AMOTL1: variants seen among roughly 807,000 people sequenced by gnomAD.
AMOTL1 encodes angiomotin like 1, also known as angiomotin-like protein 1.
A neutral mutation model predicts 102.9 loss-of-function variants in AMOTL1; 45 were observed. That is an observed-to-expected ratio of 0.44 (90% CI 0.34 to 0.56). The LOEUF (loss-of-function observed/expected upper bound fraction) is 0.56. AMOTL1 is among the 20% of genes least tolerant of loss of function. The pLI is 0.01. For missense variants in AMOTL1, 1,114 were observed against 1,225.6 expected, an observed-to-expected ratio of 0.91 and a Z score of 1.36; for synonymous variants, 481 against 484.7, an observed-to-expected ratio of 0.99 and a Z score of 0.10.
At position 94,872,431 on chromosome 11, in the gene AMOTL1, A is replaced by G. The variant is rs1953017653; in HGVS notation, c.*1636A>G. 6.6e-6 allele frequency: 1 copy of G among 152,236 alleles called. No individual in the cohort carries two copies. The highest frequency in any genetic ancestry group is 1.5e-5 in the Non-Finnish European group (1 of 68,066). 9.4% of individuals were successfully genotyped at this position (152,236 alleles called of 1,614,324 possible). ...CTCTTCCAAGTACCTTCTAAATGAAACACTCAAGAGAGTGCTACTCAGGAA... is the reference window on the plus strand; with the variant it reads ...CTCTTCCAAGTACCTTCTAAATGAAGCACTCAAGAGAGTGCTACTCAGGAA... On this transcript the variant is annotated 3_prime_UTR_variant, in exon 13 of 13. Coordinates refer to ENST00000433060, the MANE Select transcript of AMOTL1 (RefSeq NM_130847.3).
intron 10 of AMOTL1, among the ~76,000 whole-genome samples, chr11:94,865,658 A>G (rs952981483): frequency 6.6e-6 from 1 of 152,084 alleles, no homozygotes; most frequent in African/African-American, 2.4e-5. Context: ...CCCTCTAAAT[A>G]TGGTCCCCAG....
chr11:94,768,570 C>T lies in AMOTL1; in HGVS notation c.49+10C>T. On this transcript the variant is annotated intron_variant, in intron 1 of 12. Coordinates refer to ENST00000433060, the MANE Select transcript of AMOTL1 (RefSeq NM_130847.3). ...GAGCCTGCGGTGAAAGGTAACCAGC[C>T]CCCACTCGAGGTGCCGGGAGGGCGT... is the stretch of plus-strand genomic sequence containing the variant. 2 of 1,590,646 alleles carry T rather than the reference C, an allele frequency of 1.3e-6. No homozygotes were observed. Among genetic ancestry groups the T allele is most frequent in the Non-Finnish European group, 1.7e-6 (2 of 1,169,040 alleles).
At chr11:94,827,740 C>T (rs574696337) in intron 4 of AMOTL1, among the ~76,000 whole-genome samples, 76 of 152,302 alleles carry the variant, frequency 5.0e-4, no homozygotes, top group African/African-American at 1.7e-3. Context: ...AGTTGGCTGC[C>T]GCTAAGCAGA....
At chr11:94,852,290 AT>A (rs1210092242) in intron 7 of AMOTL1, among the ~76,000 whole-genome samples, 1 of 152,232 alleles carries the variant, frequency 6.6e-6, no homozygotes. Context: ...AAGCATCTCC[AT>A]TTTATTCCAG....
chr11:94,853,891 G>A (rs1190502761), intron 7 of AMOTL1, 42 bp from the exon 8 acceptor site: 1 of 1,587,176 alleles, frequency 6.3e-7, no homozygotes, highest in South Asian at 1.1e-5. Context: ...TTGAGAATCA[G>A]TGGTCTAAAT....
chr11:94,830,999 A>T (rs976827659), intron 5 of AMOTL1, among the ~76,000 whole-genome samples: 1 of 152,240 alleles, frequency 6.6e-6, no homozygotes, highest in Admixed American at 6.5e-5. Flanking sequence ...CAGTCTTCAT[A>T]CATTAGGTCA....
chr11:94,850,727 G>A (rs970860978), intron 7 of AMOTL1, among the ~76,000 whole-genome samples: 1 of 152,206 alleles, frequency 6.6e-6, no homozygotes, highest in African/African-American at 2.4e-5. Flanking sequence ...AGGCAGCCAG[G>A]GGCCAGCTGC....
intron 3 of AMOTL1, among the ~76,000 whole-genome samples, chr11:94,807,748 C>G (rs1591986532): frequency 6.6e-6 from 1 of 151,798 alleles, no homozygotes; most frequent in Non-Finnish European, 1.5e-5. Flanking sequence ...GCATATGTCA[C>G]TGTTACTGAT....
chr11:94,870,683 T>C lies in AMOTL1; in HGVS notation c.2765-6T>C. On this transcript the variant is annotated splice_region_variant and splice_polypyrimidine_tract_variant and intron_variant, in intron 12 of 12. Coordinates refer to ENST00000433060, the MANE Select transcript of AMOTL1 (RefSeq NM_130847.3). ...GGGCAGCTGATGTTTCCCCTCTATT[T>C]GGCAGAGAACTCTCCTGGCCATGGG... 1 of 1,589,316 alleles carries C rather than the reference T, an allele frequency of 6.3e-7. No homozygotes were observed. The highest frequency in any genetic ancestry group is 1.1e-5 in the South Asian group (1 of 87,320).
intron 3 of AMOTL1, among the ~76,000 whole-genome samples, chr11:94,757,225 A>C (rs12279797): frequency 2.0e-5 from 3 of 152,176 alleles, no homozygotes; most frequent in Non-Finnish European, 4.4e-5. Context: ...CTAACAGGTT[A>C]ATAATAGTTA....
chr11:94,806,614 G>A lies in AMOTL1; in HGVS notation c.1121+6303G>A, dbSNP rs377385810. On this transcript the variant is annotated intron_variant, in intron 3 of 12. Coordinates refer to ENST00000433060, the MANE Select transcript of AMOTL1 (RefSeq NM_130847.3). ...CAGGAGTTTCTCCGGTATTTAGGCCGAATTATGGCTGGATGAAGGAAATAA... is the reference window on the plus strand; with the variant it reads ...CAGGAGTTTCTCCGGTATTTAGGCCAAATTATGGCTGGATGAAGGAAATAA... 3.3e-4 allele frequency among the ~76,000 whole-genome samples: 50 copies of A among 152,254 alleles called. 1 individual carries two copies. Among genetic ancestry groups the A allele is most frequent in the African/African-American group, 1.0e-3 (42 of 41,538 alleles).
At chr11:94,771,095 ATAAT>A (rs1426520771) in intron 1 of AMOTL1, among the ~76,000 whole-genome samples, 2 of 152,342 alleles carry the variant, frequency 1.3e-5, no homozygotes, top group East Asian at 1.9e-4. Flanking sequence ...TTTGAAAAAA[ATAAT>A]TAATGACATG....
intron 3 of AMOTL1, among the ~76,000 whole-genome samples, chr11:94,813,820 A>G (rs1330483192): frequency 6.6e-6 from 1 of 152,350 alleles, no homozygotes; most frequent in Middle Eastern, 3.4e-3. Context: ...TGCTTCCTGC[A>G]GGCTGGCTAA....
At position 94,771,265 on chromosome 11, in the gene AMOTL1, G is replaced by GGA. The variant is rs1555067576; in HGVS notation, c.49+2706_49+2707insAG. 6.8e-5 allele frequency among the ~76,000 whole-genome samples: 10 copies of GGA among 146,234 alleles called. 1 individual carries two copies. The highest frequency in any genetic ancestry group is 2.0e-4 in the African/African-American group (8 of 40,184). ...CTTTTCTTTTTGGCGGGGTTGGGGG[G>GGA]GGGGTGCGGTGTGTGGCTATCTGCA... On this transcript the variant is annotated intron_variant, in intron 1 of 12. Coordinates refer to ENST00000433060, the MANE Select transcript of AMOTL1 (RefSeq NM_130847.3).
chr11:94,862,501 A>G (rs1167458004), intron 9 of AMOTL1, among the ~76,000 whole-genome samples: 1 of 152,136 alleles, frequency 6.6e-6, no homozygotes, highest in Non-Finnish European at 1.5e-5. Context: ...CTGTAAACCA[A>G]CTGGTTTTCC....
intron 1 of AMOTL1, among the ~76,000 whole-genome samples, chr11:94,786,105 TG>T (rs1206548802): frequency 1.3e-5 from 2 of 152,238 alleles, no homozygotes; most frequent in Non-Finnish European, 2.9e-5. Context: ...AAAACTTATC[TG>T]AGGAAAAGAA....
chr11:94,854,989 C>T lies in AMOTL1; in HGVS notation c.1944+907C>T, dbSNP rs924660959. ...CCCAGCCTGGGGTTCACCTGCACCA[C>T]GGCAAGCAGGAAGAAGACTGGTCAA... On this transcript the variant is annotated intron_variant, in intron 8 of 12. Coordinates refer to ENST00000433060, the MANE Select transcript of AMOTL1 (RefSeq NM_130847.3). Among the ~76,000 whole-genome samples the T allele has an allele frequency of 3.3e-5, 5 of 152,184 alleles. No homozygotes were observed. The East Asian group carries it at 5.8e-4, about 18-fold the overall frequency.
intron 1 of AMOTL1, among the ~76,000 whole-genome samples, chr11:94,771,998 T>C (rs1950960297): frequency 6.6e-6 from 1 of 152,240 alleles, no homozygotes; most frequent in African/African-American, 2.4e-5. Flanking sequence ...ATTTTTTCAT[T>C]TTGTTTTTAA....
intron 3 of AMOTL1, among the ~76,000 whole-genome samples, chr11:94,748,603 A>G (rs1429562520): frequency 6.6e-6 from 1 of 152,200 alleles, no homozygotes; most frequent in African/African-American, 2.4e-5. Context: ...TGAGTGATGA[A>G]TTTTAGCTCC....
Sources: allele counts gnomAD v4.1 joint callset (sites outside exome capture counted in the v4.1 genomes callset), GRCh38; gene constraint gnomAD v4.1.1; transcripts MANE v1.5; gene names NCBI Gene and HGNC (gene_info 2026-07-23, HGNC 2026-07-21).